The following MYBBP1A variants were observed in gnomAD, a reference collection of about 807,000 sequenced individuals.
The protein encoded by MYBBP1A is myb-binding protein 1A.
MYBBP1A carries 147 observed loss-of-function variants against 136.3 expected under a neutral mutation model. That is an observed-to-expected ratio of 1.08 (90% CI 0.94 to 1.24). The LOEUF is 1.24. Ranked by LOEUF, MYBBP1A falls within the 50% of genes most tolerant of loss-of-function variation. The probability of loss-of-function intolerance (pLI) is 0.00; values close to 1 mark genes in which losing one functional copy is unlikely to be tolerated. For missense variants in MYBBP1A, 2,060 were observed against 1,727.4 expected (o/e 1.19, Z -3.41); for synonymous variants, 947 against 735.8 (o/e 1.29, Z -4.65).
Position 4,551,998 on chromosome 17 carries a change from C to CT in MYBBP1A, c.906-2dup, listed in dbSNP as rs1907560263. 6.2e-7 allele frequency: 1 copy of CT among 1,607,388 alleles called. No homozygotes were observed. The highest frequency in any genetic ancestry group is 1.3e-5 in the African/African-American group (1 of 74,982). On this transcript the variant is annotated splice_acceptor_variant, in intron 7 of 25. Coordinates refer to ENST00000254718, the MANE Select transcript of MYBBP1A (RefSeq NM_014520.4). LOFTEE classifies it high-confidence loss of function. ...GCCCAGCAGGCGGAAACACAGGTAG[C>CT]TAAAGGGGGTGCAGGACAGAGCCTG... is the stretch of plus-strand genomic sequence containing the variant.
In MYBBP1A at chr17:4,548,170, G is replaced by A; in HGVS notation, c.1697C>T (p.Thr566Ile). The A allele has an allele frequency of 6.2e-7, 1 of 1,605,512 alleles. No individual in the cohort carries two copies. Among genetic ancestry groups the A allele is most frequent in the Non-Finnish European group, 8.5e-7 (1 of 1,179,972 alleles). The change falls in exon 12 of 26, where the codon ACT (threonine) becomes ATT (isoleucine). Residue 566 changes from threonine (T) to isoleucine (I), a missense_variant. By Grantham distance (89) the Thr-to-Ile change is moderately conservative. Coordinates refer to ENST00000254718, the MANE Select transcript of MYBBP1A (RefSeq NM_014520.4). The surrounding 1 kb of genome is among the most constrained non-coding windows in gnomAD (Gnocchi z 4.2). ...SHNVTTVTPF[T>I]AQQRQAWDRM... is the part of the protein sequence containing the mutation. Reference sequence around the variant, plus strand: ...GTCCCAGGCCTGGCGCTGCTGCGCAGTGAAGGGTGTCACGGTGGTCACGTT... The same window carrying A: ...GTCCCAGGCCTGGCGCTGCTGCGCAATGAAGGGTGTCACGGTGGTCACGTT...
chr17:4,554,841 T>C lies in MYBBP1A; in HGVS notation c.294+20A>G. On this transcript the variant is annotated intron_variant, in intron 2 of 25. Transcript: ENST00000254718. ...ATTTTGACCTGGATGGCTGGGACCC[T>C]GCCAGGAGCACCACCTCACCTGTGC... The C allele has an allele frequency of 2.5e-6, 4 of 1,611,642 alleles. No individual in the cohort carries two copies. The highest frequency in any genetic ancestry group is 2.5e-6 in the Non-Finnish European group (3 of 1,178,748).
intron 4 of MYBBP1A, 48 bp from the exon 5 acceptor site, chr17:4,553,965 C>A: frequency 1.2e-6 from 2 of 1,612,930 alleles, no homozygotes; most frequent in Non-Finnish European, 1.7e-6. Context: ...ACACGACTGT[C>A]CCCCACCCAT....
chr17:4,544,029 G>A (rs1032047035), intron 19 of MYBBP1A, among the ~76,000 whole-genome samples: 1 of 152,184 alleles, frequency 6.6e-6, no homozygotes, highest in East Asian at 1.9e-4. Context: ...CCGTCAGGAT[G>A]CTCTTCCTCC....
Position 4,545,689 on chromosome 17 carries a change from A to C in MYBBP1A, c.1994T>G (p.Leu665Arg), listed in dbSNP as rs1439012855. The C allele has an allele frequency of 9.3e-6, 15 of 1,611,236 alleles. No homozygotes were observed. Among genetic ancestry groups the C allele is most frequent in the African/African-American group, 1.3e-5 (1 of 74,896 alleles). Residue 665 changes from leucine (L) to arginine (R), a missense_variant, in exon 15 of 26, where the codon CTC becomes CGC. Physicochemically the swap from Leu to Arg is moderately radical, Grantham distance 102. Coordinates refer to ENST00000254718, the MANE Select transcript of MYBBP1A (RefSeq NM_014520.4). ...LLALLAQPSHLMRQVARSVFG... is the reference protein window; with the variant it reads ...LLALLAQPSHRMRQVARSVFG... ...CACGCTCCGGGCCACCTGGCGCATGAGGTGGCTGGGCTGGGCCAACAGGGC... is the reference window on the plus strand; with the variant it reads ...CACGCTCCGGGCCACCTGGCGCATGCGGTGGCTGGGCTGGGCCAACAGGGC...
Position 4,542,185 on chromosome 17 carries a change from C to T in MYBBP1A, c.3087+279G>A. 1.4e-5 allele frequency: 8 copies of T among 586,938 alleles called. No individual in the cohort carries two copies. In the East Asian group the frequency reaches 2.0e-4, roughly 15 times the overall value. 36.4% of individuals were successfully genotyped at this position (586,938 alleles called of 1,614,324 possible). A position where few individuals can be genotyped will look rare whatever the true frequency, so the allele number is the denominator to read the frequency against. The stretch of plus-strand genomic sequence containing the variant: ...AACAGCCCTGGCACCAGAGCAGACA[C>T]TACCAGGGGCATCCTGTGTGTGGCC... On this transcript the variant is annotated intron_variant, in intron 22 of 25. Coordinates refer to ENST00000254718, the MANE Select transcript of MYBBP1A (RefSeq NM_014520.4).
At position 4,544,569 on chromosome 17, in the gene MYBBP1A, C is replaced by T; in HGVS notation, c.2559G>A (p.Leu853=). The T allele has an allele frequency of 6.4e-7, 1 of 1,572,736 alleles. No homozygotes were observed. The highest frequency in any genetic ancestry group is 8.6e-7 in the Non-Finnish European group (1 of 1,159,574). ...TGCGCAGGCTGCGCCGGATGATGCT[C>T]AGCAGCGGCTCCAGCAGCTCCAGGA... The part of the protein sequence containing the change: ...ALVLELLEPL[L]SIIRRSLRSS... The change falls in exon 19 of 26, where the codon CTG becomes CTA. Residue 853 remains leucine (L), a synonymous_variant. Coordinates refer to ENST00000254718, the MANE Select transcript of MYBBP1A (RefSeq NM_014520.4).
chr17:4,546,015 C>T, intron 13 of MYBBP1A, 73 bp from the exon 14 acceptor site: 1 of 1,403,688 alleles, frequency 7.1e-7, no homozygotes, highest in Non-Finnish European at 9.9e-7. Context: ...AAGGGGCTGG[C>T]CAAATGGCAG....
At chr17:4,551,224 A>G (rs1008587119) in intron 8 of MYBBP1A, among the ~76,000 whole-genome samples, 1 of 152,274 alleles carries the variant, frequency 6.6e-6, no homozygotes, top group Non-Finnish European at 1.5e-5. Context: ...CTGCAAAGAT[A>G]AAATGAGCTG....
intron 8 of MYBBP1A, among the ~76,000 whole-genome samples, chr17:4,550,689 T>C (rs1907434119): frequency 6.6e-6 from 1 of 152,248 alleles, no homozygotes; most frequent in Non-Finnish European, 1.5e-5. Flanking sequence ...GATGGCCTGT[T>C]TTCCTGGCTC....
chr17:4,555,241 T>C lies in MYBBP1A; in HGVS notation c.84A>G (p.Leu28=), dbSNP rs144321472. The change falls in exon 1 of 26, where the codon CTA becomes CTG. Residue 28 remains leucine (L), a synonymous_variant. Transcript: ENST00000254718. ...SGARPADRYG[L]LKHSREFLDF... is the part of the protein sequence containing the mutation. ...CCAAGAACTCGCGACTGTGCTTCAA[T>C]AGGCCATAGCGGTCGGCAGGCCGGG... 9.1e-4 allele frequency: 1,463 copies of C among 1,612,506 alleles called. 7 individuals carry two copies. The African/African-American group carries it at 0.016, about 18-fold the overall frequency.
At chr17:4,547,288 T>C (rs1907094476) in intron 13 of MYBBP1A, among the ~76,000 whole-genome samples, 1 of 152,132 alleles carries the variant, frequency 6.6e-6, no homozygotes, top group Non-Finnish European at 1.5e-5. Flanking sequence ...ATCCCAAGGC[T>C]GGGGGCAGGC....
chr17:4,551,847 C>G, intron 8 of MYBBP1A, 33 bp downstream of exon 8: 1 of 1,586,080 alleles, frequency 6.3e-7, no homozygotes, highest in Non-Finnish European at 8.6e-7. Context: ...TCTAGCCTTT[C>G]TGGCAGTGTC....
Position 4,550,064 on chromosome 17 carries a change from A to G in MYBBP1A, c.1313T>C (p.Leu438Pro). Reference protein sequence around the residue: ...NNQKKAQDSSLHMPERAVFRL... With the variant: ...NNQKKAQDSSPHMPERAVFRL... ...TCCCCCAAGGTCCACTCACATGTGG[A>G]GCGATGAATCCTGGGCTTTCTTCTG... is the stretch of plus-strand genomic sequence containing the variant. The change falls in exon 9 of 26, where the codon CTC becomes CCC. Residue 438 changes from leucine (L) to proline (P), a missense_variant. Physicochemically the swap from Leu to Pro is moderately conservative, Grantham distance 98 (BLOSUM62 -3). Transcript: ENST00000254718. 2 of 1,610,578 alleles carry G rather than the reference A, an allele frequency of 1.2e-6. No individual in the cohort carries two copies. The highest frequency in any genetic ancestry group is 1.7e-6 in the Non-Finnish European group (2 of 1,177,574).
Position 4,552,091 on chromosome 17 carries a change from A to G in MYBBP1A, c.905+34T>C, listed in dbSNP as rs762982568. On this transcript the variant is annotated intron_variant, in intron 7 of 25. Coordinates refer to ENST00000254718, the MANE Select transcript of MYBBP1A (RefSeq NM_014520.4). The surrounding 1 kb of genome is among the most constrained non-coding windows in gnomAD (Gnocchi z 4.7). The stretch of plus-strand genomic sequence containing the variant: ...GGCCTAGCCCACTTCACGGACAGGG[A>G]AGGGGGCCGAGAGAGGACACGCGTC... The G allele has an allele frequency of 2.5e-6, 4 of 1,604,850 alleles. No homozygotes were observed. The South Asian group carries it at 4.5e-5, about 18-fold the overall frequency.
At chr17:4,553,444 G>C (rs897697975) in intron 5 of MYBBP1A, among the ~76,000 whole-genome samples, 2 of 152,344 alleles carry the variant, frequency 1.3e-5, no homozygotes, top group Middle Eastern at 3.4e-3. Context: ...CAATACGGTA[G>C]CCACAGCCAC....
intron 15 of MYBBP1A, 119 bp downstream of exon 15, chr17:4,545,491 C>A (rs1906920850): frequency 7.4e-6 from 11 of 1,486,428 alleles, no homozygotes; most frequent in Non-Finnish European, 9.0e-6. Context: ...CTCGTTGAGA[C>A]CCCTCCCACC....
At chr17:4,553,453 A>C (rs1597390246) in intron 5 of MYBBP1A, among the ~76,000 whole-genome samples, 1 of 152,266 alleles carries the variant, frequency 6.6e-6, no homozygotes, top group South Asian at 2.1e-4. Context: ...AGCCACAGCC[A>C]CACAGGGCTG....
At chr17:4,540,526 CGG>C (rs1906316190) in intron 24 of MYBBP1A, 42 bp from the exon 25 acceptor site, 1 of 1,547,568 alleles carries the variant, frequency 6.5e-7, no homozygotes, top group African/African-American at 1.4e-5. Flanking sequence ...CCACAGAGGG[CGG>C]GGCCTCTCGC....
Sources: gnomAD v4.1 joint callset for allele counts (sites outside exome capture counted in the v4.1 genomes callset) on GRCh38, gnomAD v4.1.1 for gene constraint, Gnocchi (gnomAD v3.1) non-coding constraint, MANE v1.5 for transcripts, NCBI Gene and HGNC (gene_info 2026-07-23, HGNC 2026-07-21) for gene names.